PEX13: variants seen among roughly 807,000 people sequenced by gnomAD.
PEX13 encodes peroxisome biogenesis factor 13.
A neutral mutation model predicts 34.5 loss-of-function variants in PEX13; 28 were observed. The observed-to-expected ratio is 0.81, with a 90% CI of 0.60 to 1.11. The LOEUF is 1.11. Ranked by LOEUF, PEX13 falls within the 50% of genes most tolerant of loss-of-function variation. The pLI, the probability that PEX13 is intolerant of heterozygous loss-of-function variation, is 0.00. For missense variants in PEX13, 550 were observed against 491.0 expected (o/e 1.12, Z -1.13); for synonymous variants, 177 against 175.1 (o/e 1.01, Z -0.09).
intron 2 of PEX13, among the ~76,000 whole-genome samples, chr2:61,039,277 A>G (rs1455464670): frequency 6.6e-6 from 1 of 152,126 alleles, no homozygotes; most frequent in Non-Finnish European, 1.5e-5. Flanking sequence ...AAAAGAGCCA[A>G]CATAACCAAG....
intron 1 of PEX13, among the ~76,000 whole-genome samples, chr2:61,021,106 C>T (rs1056185653): frequency 6.6e-6 from 1 of 152,154 alleles, no homozygotes; most frequent in African/African-American, 2.4e-5. Context: ...GTGATTGACG[C>T]ACAGGACGGG....
At chr2:61,048,193 A>G (rs933178881) in intron 3 of PEX13, among the ~76,000 whole-genome samples, 1 of 152,168 alleles carries the variant, frequency 6.6e-6, no homozygotes, top group African/African-American at 2.4e-5. Context: ...GTTTTGAGAG[A>G]ACTAAATCTC....
At chr2:61,024,431 C>T (rs1680315695) in intron 1 of PEX13, among the ~76,000 whole-genome samples, 1 of 152,174 alleles carries the variant, frequency 6.6e-6, no homozygotes, top group South Asian at 2.1e-4. Context: ...CCTTCTGTTT[C>T]TTATGCTTCA....
At chr2:61,024,939 T>C (rs1206944670) in intron 1 of PEX13, among the ~76,000 whole-genome samples, 1 of 152,230 alleles carries the variant, frequency 6.6e-6, no homozygotes. Flanking sequence ...TTTTGGAAAA[T>C]CCCAATCTTG....
chr2:61,038,388 A>G (rs1680568978), intron 2 of PEX13, among the ~76,000 whole-genome samples: 1 of 152,208 alleles, frequency 6.6e-6, no homozygotes, highest in South Asian at 2.1e-4. Flanking sequence ...CCAGCAACAC[A>G]TCAAAAAGCT....
At chr2:61,033,518 T>C (rs978826979) in intron 2 of PEX13, among the ~76,000 whole-genome samples, 2 of 152,208 alleles carry the variant, frequency 1.3e-5, no homozygotes, top group East Asian at 3.8e-4. Flanking sequence ...GAATAAAATA[T>C]ATTCTAAAAA....
rs952236315 is a variant in PEX13, at chr2:61,028,630, G to A, written c.93-2789G>A. 2.6e-5 allele frequency among the ~76,000 whole-genome samples: 4 copies of A among 151,276 alleles called. 1 individual carries two copies. Among genetic ancestry groups the A allele is most frequent in the East Asian group, 2.0e-4 (1 of 5,076 alleles). On this transcript the variant is annotated intron_variant, in intron 1 of 3. Transcript: ENST00000295030. ...TCGAACTCCTAACCTGAGGGGACCC[G>A]CCTGCCTCAGCCTCCCAAAGTGCTG...
intron 2 of PEX13, among the ~76,000 whole-genome samples, chr2:61,043,608 C>T (rs1680661565): frequency 1.3e-5 from 2 of 152,162 alleles, no homozygotes; most frequent in African/African-American, 2.4e-5. Context: ...TTTGAAAATA[C>T]AGTTTTTTTG....
chr2:61,029,276 T>G (rs1470338938), intron 1 of PEX13, among the ~76,000 whole-genome samples: 1 of 151,984 alleles, frequency 6.6e-6, no homozygotes, highest in East Asian at 1.9e-4. Context: ...AAAATGCAAA[T>G]TAAAACCACA....
intron 1 of PEX13, among the ~76,000 whole-genome samples, chr2:61,020,126 T>G (rs946685988): frequency 6.6e-6 from 1 of 152,094 alleles, no homozygotes; most frequent in Non-Finnish European, 1.5e-5. Flanking sequence ...ATCAGGAGGC[T>G]GAGGCAGGAG....
intron 1 of PEX13, among the ~76,000 whole-genome samples, chr2:61,029,463 T>C (rs1303079044): frequency 6.6e-6 from 1 of 152,178 alleles, no homozygotes; most frequent in Non-Finnish European, 1.5e-5. Context: ...AGTTTCCATA[T>C]AACCCAGCAA....
intron 1 of PEX13, among the ~76,000 whole-genome samples, chr2:61,021,310 C>T (rs1680257164): frequency 6.6e-6 from 1 of 152,206 alleles, no homozygotes; most frequent in Non-Finnish European, 1.5e-5. Context: ...TGGGACACTT[C>T]TGCCCAAATA....
intron 1 of PEX13, among the ~76,000 whole-genome samples, chr2:61,023,418 C>T (rs907635655): frequency 6.6e-6 from 1 of 151,596 alleles, no homozygotes; most frequent in Non-Finnish European, 1.5e-5. Flanking sequence ...CACACACACA[C>T]ACACACACAC....
At chr2:61,041,989 A>G (rs1323159237) in intron 2 of PEX13, among the ~76,000 whole-genome samples, 3 of 152,222 alleles carry the variant, frequency 2.0e-5, no homozygotes, top group African/African-American at 4.8e-5. Flanking sequence ...TTGAGGTCCT[A>G]TTACTTTAGC....
chr2:61,032,256 GA>G (rs1405263787), intron 2 of PEX13, 143 bp downstream of exon 2: 1 of 672,054 alleles, frequency 1.5e-6, no homozygotes, highest in African/African-American at 1.8e-5. Flanking sequence ...ACTGGCAGAG[GA>G]ATATATAGCA....
chr2:61,029,751 G>A (rs1680419459), intron 1 of PEX13, among the ~76,000 whole-genome samples: 2 of 151,794 alleles, frequency 1.3e-5, no homozygotes, highest in African/African-American at 2.4e-5. Flanking sequence ...GTTGGAGGCT[G>A]CGGTGAGCTA....
At chr2:61,033,293 A>G (rs1008982293) in intron 2 of PEX13, among the ~76,000 whole-genome samples, 7 of 152,158 alleles carry the variant, frequency 4.6e-5, no homozygotes, top group African/African-American at 1.7e-4. Context: ...GATAATGAAG[A>G]CCCAAAATAG....
intron 1 of PEX13, among the ~76,000 whole-genome samples, chr2:61,027,079 T>A: frequency 6.6e-6 from 1 of 151,748 alleles, no homozygotes. Context: ...TCTTAGCTCT[T>A]TGGGAGGCCA....
intron 1 of PEX13, among the ~76,000 whole-genome samples, chr2:61,019,501 A>T (rs1007121975): frequency 3.3e-5 from 5 of 152,136 alleles, no homozygotes; most frequent in African/African-American, 1.2e-4. Flanking sequence ...GTCTACCTAG[A>T]TCAGGACAGT....
Sources: gnomAD v4.1 joint callset for allele counts (sites outside exome capture counted in the v4.1 genomes callset) on GRCh38, gnomAD v4.1.1 for gene constraint, MANE v1.5 for transcripts, NCBI Gene and HGNC (gene_info 2026-07-23, HGNC 2026-07-21) for gene names.